OPCML: variants seen among roughly 807,000 people sequenced by gnomAD.
The protein encoded by OPCML is opioid binding protein/cell adhesion molecule like.
In OPCML, 13 loss-of-function variants were observed where a neutral mutation model predicts 37.8. That is an observed-to-expected ratio of 0.34 (90% CI 0.22 to 0.55). OPCML has a LOEUF of 0.55. OPCML is among the 20% of genes least tolerant of loss of function. The probability of loss-of-function intolerance (pLI) is 0.91; values close to 1 mark genes in which losing one functional copy is unlikely to be tolerated. For synonymous variants in OPCML, 176 were observed against 168.8 expected (o/e 1.04, Z -0.33); for missense variants, 341 against 435.6 (o/e 0.78, Z 1.93).
chr11:133,444,245 G>A (rs951718665), intron 1 of OPCML, among the ~76,000 whole-genome samples: 3 of 152,150 alleles, frequency 2.0e-5, no homozygotes, highest in African/African-American at 7.2e-5. Flanking sequence ...AATGGCCTTA[G>A]AGAGAGAAAC....
chr11:133,232,000 A>C (rs139697863), intron 1 of OPCML, among the ~76,000 whole-genome samples: 100 of 150,994 alleles, frequency 6.6e-4, no homozygotes, highest in African/African-American at 2.3e-3. Context: ...CAAGGAAGGG[A>C]CTCCCCAGCC....
intron 4 of OPCML, among the ~76,000 whole-genome samples, chr11:132,450,267 GA>G (rs2136839166): frequency 6.6e-6 from 1 of 152,312 alleles, no homozygotes; most frequent in African/African-American, 2.4e-5. Context: ...GTTGCCTTAG[GA>G]AGCATGGAGC....
rs1025389053 is a variant in OPCML, at chr11:133,004,484, G to A, written c.62-61474C>T. 3 of 985,320 alleles carry A rather than the reference G, an allele frequency of 3.0e-6. No individual in the cohort carries two copies. In the African/African-American group the frequency reaches 5.2e-5, roughly 17 times the overall value. 61.0% of individuals were successfully genotyped at this position (985,320 alleles called of 1,614,324 possible). On this transcript the variant is annotated intron_variant, in intron 1 of 7. Coordinates refer to ENST00000524381, the MANE Select transcript of OPCML (RefSeq NM_001012393.5). The stretch of plus-strand genomic sequence containing the variant: ...TGTGCTTGGTGGAGGGGACACAGAG[G>A]CCAGTCTGAAGATGCCCTCTGCAGA...
At chr11:133,156,520 A>G (rs1950064849) in intron 1 of OPCML, among the ~76,000 whole-genome samples, 2 of 152,182 alleles carry the variant, frequency 1.3e-5, no homozygotes, top group Admixed American at 6.5e-5. Context: ...TCCTCTCATC[A>G]GGCCTCTAGG....
At chr11:132,588,536 T>C (rs1346389954) in intron 3 of OPCML, among the ~76,000 whole-genome samples, 4 of 152,180 alleles carry the variant, frequency 2.6e-5, no homozygotes, top group Non-Finnish European at 4.4e-5. Context: ...ATGACTGCAA[T>C]TCCTCTAAGA....
intron 1 of OPCML, among the ~76,000 whole-genome samples, chr11:133,311,690 T>C (rs1479931384): frequency 6.6e-6 from 1 of 152,198 alleles, no homozygotes; most frequent in Non-Finnish European, 1.5e-5. Flanking sequence ...GGAGTGAATG[T>C]GGCCTAGCAG....
chr11:132,501,743 T>C lies in OPCML; in HGVS notation c.505+27318A>G, dbSNP rs139086416. ...TAGAATTTTTTAAATAGGTAACGTG[T>C]TTCATGAACCAAATAAGCAAAGGAA... On this transcript the variant is annotated intron_variant, in intron 4 of 7. Coordinates refer to ENST00000524381, the MANE Select transcript of OPCML (RefSeq NM_001012393.5). Among the ~76,000 whole-genome samples the C allele has an allele frequency of 4.3e-3, 651 of 152,320 alleles. 7 individuals are homozygous for C. Among genetic ancestry groups the C allele is most frequent in the Admixed American group, 0.022 (336 of 15,304 alleles).
intron 2 of OPCML, among the ~76,000 whole-genome samples, chr11:132,782,448 G>A (rs745334049): frequency 7.2e-5 from 11 of 152,346 alleles, no homozygotes; most frequent in South Asian, 4.1e-4. Flanking sequence ...TTAGTAAAGC[G>A]AATGCTCAGC....
At chr11:133,446,534 C>T (rs780646247) in intron 1 of OPCML, among the ~76,000 whole-genome samples, 14 of 152,118 alleles carry the variant, frequency 9.2e-5, no homozygotes, top group Non-Finnish European at 1.6e-4. Context: ...AAGGGATCCT[C>T]CCACCTTGGC....
chr11:132,987,696 G>A (rs1028696665), intron 1 of OPCML, among the ~76,000 whole-genome samples: 1 of 152,118 alleles, frequency 6.6e-6, no homozygotes, highest in Non-Finnish European at 1.5e-5. Flanking sequence ...TGGATATGGA[G>A]AGAAATGAAT....
At chr11:133,289,637 G>T (rs1005978307) in intron 1 of OPCML, among the ~76,000 whole-genome samples, 2 of 150,494 alleles carry the variant, frequency 1.3e-5, no homozygotes, top group African/African-American at 4.9e-5. Flanking sequence ...TTAGTTTCAC[G>T]CTATTCCCAT....
chr11:132,822,127 C>G, intron 2 of OPCML, among the ~76,000 whole-genome samples: 1 of 152,230 alleles, frequency 6.6e-6, no homozygotes, highest in South Asian at 2.1e-4. Context: ...TGGAGACACC[C>G]GTGATACACT....
chr11:132,696,751 C>G (rs984467211), intron 2 of OPCML, among the ~76,000 whole-genome samples: 2 of 152,066 alleles, frequency 1.3e-5, no homozygotes, highest in Non-Finnish European at 2.9e-5. Context: ...CACACACACA[C>G]AGACACACAT....
chr11:132,501,279 C>T (rs1334525343), intron 4 of OPCML, among the ~76,000 whole-genome samples: 3 of 152,090 alleles, frequency 2.0e-5, no homozygotes, highest in Non-Finnish European at 1.5e-5. Context: ...TAAAAACCCT[C>T]GAAGAAAAAC....
intron 1 of OPCML, among the ~76,000 whole-genome samples, chr11:133,501,409 T>C (rs545339845): frequency 2.0e-5 from 3 of 152,344 alleles, no homozygotes; most frequent in African/African-American, 7.2e-5. Context: ...ATTAATTACA[T>C]GTCCCTTTTA....
chr11:132,496,720 C>T (rs2096232345), intron 4 of OPCML, among the ~76,000 whole-genome samples: 5 of 152,202 alleles, frequency 3.3e-5, no homozygotes, highest in Admixed American at 3.3e-4. Context: ...CAAAGTAGAA[C>T]CAAGATTATA....
At chr11:132,654,139 T>C (rs557472921) in intron 3 of OPCML, among the ~76,000 whole-genome samples, 15 of 152,228 alleles carry the variant, frequency 9.9e-5, no homozygotes. Flanking sequence ...CTCTGGGGCT[T>C]CTTTCTAACT....
intron 1 of OPCML, among the ~76,000 whole-genome samples, chr11:133,492,368 G>A (rs1269133041): frequency 6.6e-6 from 1 of 152,052 alleles, no homozygotes; most frequent in African/African-American, 2.4e-5. Flanking sequence ...AATCCCCTAG[G>A]AGACGAAACT....
chr11:132,838,866 C>T (rs1941161699), intron 2 of OPCML, among the ~76,000 whole-genome samples: 1 of 152,140 alleles, frequency 6.6e-6, no homozygotes, highest in African/African-American at 2.4e-5. Flanking sequence ...GCACCAGGCA[C>T]TGAGCACCCC....
Sources: gnomAD v4.1 joint callset for allele counts (sites outside exome capture counted in the v4.1 genomes callset) on GRCh38, gnomAD v4.1.1 for gene constraint, MANE v1.5 for transcripts, NCBI Gene and HGNC (gene_info 2026-07-23, HGNC 2026-07-21) for gene names.